The following CFAP299 variants were observed in gnomAD, a reference collection of about 807,000 sequenced individuals.
The protein encoded by CFAP299 is cilia- and flagella-associated protein 299.
In CFAP299, 21 loss-of-function variants were observed where a neutral mutation model predicts 27.0. That is an observed-to-expected ratio of 0.78 (90% CI 0.55 to 1.12). CFAP299 has a LOEUF of 1.12. Ranked by LOEUF, CFAP299 falls within the 50% of genes most tolerant of loss-of-function variation. The pLI, the probability that CFAP299 is intolerant of heterozygous loss-of-function variation, is 0.00. For synonymous variants in CFAP299, 104 were observed against 98.1 expected (o/e 1.06, Z -0.36); for missense variants, 310 against 276.6 (o/e 1.12, Z -0.86).
intron 4 of CFAP299, among the ~76,000 whole-genome samples, chr4:80,892,465 T>C (rs1397469879): frequency 2.0e-5 from 3 of 152,106 alleles, no homozygotes; most frequent in Admixed American, 6.6e-5. Flanking sequence ...TCTTGAGTAA[T>C]ACCCCACAAG....
intron 3 of CFAP299, among the ~76,000 whole-genome samples, chr4:80,725,321 C>T (rs896595310): frequency 6.6e-6 from 1 of 151,642 alleles, no homozygotes; most frequent in African/African-American, 2.4e-5. Flanking sequence ...TTTACATATC[C>T]ATGGAGAGAT....
At chr4:80,809,085 C>T (rs1299403724) in intron 3 of CFAP299, among the ~76,000 whole-genome samples, 1 of 152,052 alleles carries the variant, frequency 6.6e-6, no homozygotes, top group African/African-American at 2.4e-5. Flanking sequence ...CAAAGATGTC[C>T]TTGATAAAGG....
chr4:80,322,346 A>G, the CFAP299 span, among the ~76,000 whole-genome samples: 1 of 152,126 alleles, frequency 6.6e-6, no homozygotes, highest in Non-Finnish European at 1.5e-5. Flanking sequence ...ACAATTCACA[A>G]CATCCCAGGT....
At chr4:80,776,751 A>G (rs772963067) in intron 3 of CFAP299, among the ~76,000 whole-genome samples, 1 of 152,128 alleles carries the variant, frequency 6.6e-6, no homozygotes, top group Non-Finnish European at 1.5e-5. Flanking sequence ...TTAAAGTAAA[A>G]TAAAAAATAA....
chr4:80,653,869 A>G (rs1450554277), intron 3 of CFAP299, among the ~76,000 whole-genome samples: 1 of 152,140 alleles, frequency 6.6e-6, no homozygotes, highest in Non-Finnish European at 1.5e-5. Context: ...TTCTTGCTGG[A>G]CATTTCATAT....
chr4:80,385,861 C>T (rs2110025095), intron 2 of CFAP299, among the ~76,000 whole-genome samples: 1 of 152,326 alleles, frequency 6.6e-6, no homozygotes, highest in South Asian at 2.1e-4. Context: ...GTCTTCTCTC[C>T]CAGGGGACGC....
intron 2 of CFAP299, among the ~76,000 whole-genome samples, chr4:80,510,367 G>A (rs1440669928): frequency 1.3e-5 from 2 of 152,092 alleles, no homozygotes; most frequent in South Asian, 2.1e-4. Context: ...TGTCCTACAG[G>A]TGCTCTTCTC....
intron 3 of CFAP299, among the ~76,000 whole-genome samples, chr4:80,803,746 TTAAC>T (rs1166425988): frequency 8.7e-5 from 13 of 149,506 alleles, no homozygotes; most frequent in Non-Finnish European, 1.2e-4. Context: ...TATATTTTAT[TTAAC>T]TAAATATCTA....
chr4:80,758,869 G>T (rs1412816406), intron 3 of CFAP299, among the ~76,000 whole-genome samples: 4 of 152,026 alleles, frequency 2.6e-5, no homozygotes, highest in African/African-American at 9.7e-5. Context: ...TTAAATATGG[G>T]TAAAATCAGG....
intron 3 of CFAP299, among the ~76,000 whole-genome samples, chr4:80,848,630 A>C (rs780571132): frequency 2.6e-4 from 40 of 152,046 alleles, no homozygotes; most frequent in Non-Finnish European, 5.4e-4. Context: ...AAAATAAATT[A>C]GCTGAGTGTG....
At chr4:80,621,919 A>G (rs571094226) in intron 3 of CFAP299, among the ~76,000 whole-genome samples, 1 of 152,146 alleles carries the variant, frequency 6.6e-6, no homozygotes, top group East Asian at 1.9e-4. Context: ...GGAGGAGAAA[A>G]CAAACTATTG....
chr4:80,489,258 G>A (rs189829873), intron 2 of CFAP299, among the ~76,000 whole-genome samples: 22 of 152,218 alleles, frequency 1.4e-4, no homozygotes, highest in Admixed American at 1.2e-3. Flanking sequence ...TTCATCTTGT[G>A]GTTTTGAATT....
At chr4:80,533,824 A>C (rs190163432) in intron 2 of CFAP299, among the ~76,000 whole-genome samples, 1 of 152,250 alleles carries the variant, frequency 6.6e-6, no homozygotes, top group East Asian at 1.9e-4. Context: ...TCCCACATAT[A>C]GTTACATAGT....
intron 5 of CFAP299, among the ~76,000 whole-genome samples, chr4:80,949,580 A>C (rs1001637103): frequency 6.6e-6 from 1 of 151,990 alleles, no homozygotes; most frequent in African/African-American, 2.4e-5. Flanking sequence ...TAAAAAAAAA[A>C]CAAAAAACAG....
intron 3 of CFAP299, among the ~76,000 whole-genome samples, chr4:80,693,036 G>C (rs533553912): frequency 5.3e-4 from 80 of 152,376 alleles, no homozygotes; most frequent in Non-Finnish European, 9.6e-4. Flanking sequence ...TCATTAAAAA[G>C]TCAGGAAACA....
At position 80,591,104 on chromosome 4, in the gene CFAP299, A is replaced by ATTTTTTTTTTTTTTTTTTTTTT. The variant is rs1339201630; in HGVS notation, c.333+7921_333+7922insTTTTTTTTTTTTTTTTTTTTTT. On this transcript the variant is annotated intron_variant, in intron 3 of 5. Transcript: ENST00000358105. The stretch of plus-strand genomic sequence containing the variant: ...AGAAACAGATTATAATACTTTAGGA[A>ATTTTTTTTTTTTTTTTTTTTTT]ATTTTTTTTTTTTTTTTTTTTTTTT... Among the ~76,000 whole-genome samples, 13 of 116,492 alleles carry ATTTTTTTTTTTTTTTTTTTTTT rather than the reference A, an allele frequency of 1.1e-4. 1 individual carries two copies. Among genetic ancestry groups the ATTTTTTTTTTTTTTTTTTTTTT allele is most frequent in the Non-Finnish European group, 1.2e-4 (7 of 58,342 alleles). 76.4% of individuals were successfully genotyped at this position (116,492 alleles called of 152,430 possible).
intron 2 of CFAP299, among the ~76,000 whole-genome samples, chr4:80,462,928 T>A (rs1333666718): frequency 6.6e-6 from 1 of 152,116 alleles, no homozygotes; most frequent in East Asian, 1.9e-4. Flanking sequence ...TATTGGAGAA[T>A]GAGATAGTAA....
At chr4:80,718,805 AATG>A (rs894452455) in intron 3 of CFAP299, among the ~76,000 whole-genome samples, 123 of 152,262 alleles carry the variant, frequency 8.1e-4, no homozygotes, top group African/African-American at 2.9e-3. Flanking sequence ...TTAAAAAACA[AATG>A]ATGATAAAAA....
chr4:80,713,477 G>A (rs1722293895), intron 3 of CFAP299, among the ~76,000 whole-genome samples: 2 of 152,170 alleles, frequency 1.3e-5, no homozygotes, highest in Admixed American at 1.3e-4. Context: ...TAATGTGGGA[G>A]GCTATTAGAA....
Sources: allele counts gnomAD v4.1 joint callset (sites outside exome capture counted in the v4.1 genomes callset), GRCh38; gene constraint gnomAD v4.1.1; transcripts MANE v1.5; gene names NCBI Gene and HGNC (gene_info 2026-07-23, HGNC 2026-07-21).